MFN1: variants seen among roughly 807,000 people sequenced by gnomAD.
The protein encoded by MFN1 is mitofusin 1.
Under a neutral mutation model 92.4 loss-of-function variants are expected in MFN1, and 65 were observed. The observed-to-expected ratio is 0.70, with a 90% confidence interval of 0.58 to 0.86. The LOEUF (loss-of-function observed/expected upper bound fraction) is 0.86, where lower values mean the gene tolerates loss of function less well. Among genes scored for constraint, MFN1 ranks in the 40% least tolerant of loss-of-function variants. MFN1 has a pLI of 0.00. For missense variants in MFN1, 781 were observed against 868.0 expected, an observed-to-expected ratio of 0.90 and a Z score of 1.26; for synonymous variants, 297 against 300.9, an observed-to-expected ratio of 0.99 and a Z score of 0.13.
chr3:179,351,453 G>C (rs966791226), intron 2 of MFN1, among the ~76,000 whole-genome samples: 2 of 152,204 alleles, frequency 1.3e-5, no homozygotes, highest in African/African-American at 4.8e-5. Context: ...AAGTAGCAAG[G>C]TCTTTCCTAG....
At position 179,367,465 on chromosome 3, in the gene MFN1, C is replaced by T; in HGVS notation, c.780C>T (p.Cys260=). Residue 260 remains cysteine, a synonymous_variant, in exon 8 of 18, where the codon TGC becomes TGT. Transcript: ENST00000471841. Reference sequence around the variant, plus strand: ...TACGCAGACAGCACATGGAAAGATGCCTGCATTTCTTGGTGGAGGAGCTCA... The same window carrying T: ...TACGCAGACAGCACATGGAAAGATGTCTGCATTTCTTGGTGGAGGAGCTCA... The part of the protein sequence containing the change: ...EDVRRQHMER[C]LHFLVEELKV... 6.2e-7 allele frequency: 1 copy of T among 1,612,240 alleles called. No homozygotes were observed. Among genetic ancestry groups the T allele is most frequent in the South Asian group, 1.1e-5 (1 of 90,976 alleles).
rs1298918453 is a variant in MFN1, at chr3:179,394,675, A to AAAG, written c.*2617_*2619dup. 3 of 151,894 alleles carry AAAG rather than the reference A, an allele frequency of 2.0e-5. No individual in the cohort carries two copies. The highest frequency in any genetic ancestry group is 4.4e-5 in the Non-Finnish European group (3 of 67,946). 9.4% of individuals were successfully genotyped at this position (151,894 alleles called of 1,614,324 possible). A position where few individuals can be genotyped will look rare whatever the true frequency, so the allele number is the denominator to read the frequency against. ...CGTGATCCACCCGCCTCGGCCTCCC[A>AAAG]AAGTGCTGGGATTACAGGCGTGAGC... On this transcript the variant is annotated 3_prime_UTR_variant, in exon 18 of 18. Transcript: ENST00000471841.
At chr3:179,370,404 T>G (rs1357786587) in intron 9 of MFN1, among the ~76,000 whole-genome samples, 11 of 141,442 alleles carry the variant, frequency 7.8e-5, no homozygotes, top group African/African-American at 2.9e-4. Context: ...TTTTTTTTTT[T>G]TTTTTTTTTT....
At chr3:179,384,806 A>C (rs1330363512) in intron 14 of MFN1, among the ~76,000 whole-genome samples, 1 of 151,832 alleles carries the variant, frequency 6.6e-6, no homozygotes, top group Non-Finnish European at 1.5e-5. Context: ...GAGTGCTGGG[A>C]CTACAGGCAT....
chr3:179,351,951 T>C lies in MFN1; in HGVS notation c.164T>C (p.Val55Ala). Reference protein sequence around the residue: ...LDRIATEDDLVEMQGYKDKLS... With the variant: ...LDRIATEDDLAEMQGYKDKLS... ...CGAATAGCCACTGAAGATGATCTGGTAGAAATGCAAGGATATAAAGACAAG... is the reference window on the plus strand; with the variant it reads ...CGAATAGCCACTGAAGATGATCTGGCAGAAATGCAAGGATATAAAGACAAG... The change falls in exon 3 of 18, where the codon GTA becomes GCA. Residue 55 changes from valine (V) to alanine (A), a missense_variant. By Grantham distance (64) the Val-to-Ala change is moderately conservative. Coordinates refer to ENST00000471841, the MANE Select transcript of MFN1 (RefSeq NM_033540.3). The C allele has an allele frequency of 6.2e-7, 1 of 1,611,016 alleles. No homozygotes were observed. Among genetic ancestry groups the C allele is most frequent in the Non-Finnish European group, 8.5e-7 (1 of 1,177,638 alleles).
intron 3 of MFN1, among the ~76,000 whole-genome samples, chr3:179,354,813 A>G (rs1712285622): frequency 6.6e-6 from 1 of 151,936 alleles, no homozygotes; most frequent in South Asian, 2.1e-4. Flanking sequence ...TTTTTTTGGG[A>G]GACAGAATTT....
At chr3:179,368,425 C>T (rs147261437) in intron 9 of MFN1, among the ~76,000 whole-genome samples, 261 of 152,266 alleles carry the variant, frequency 1.7e-3, no homozygotes, top group Non-Finnish European at 3.0e-3. Context: ...CAAGAGTAAA[C>T]AAGCGTAATT....
At chr3:179,385,858 A>T (rs985725978) in intron 15 of MFN1, 137 bp downstream of exon 15, 4 of 808,752 alleles carry the variant, frequency 4.9e-6, no homozygotes, top group Non-Finnish European at 7.5e-6. Flanking sequence ...GCAGGTTAAA[A>T]GTAGTGAATT....
chr3:179,355,048 C>T (rs988418970), intron 3 of MFN1, among the ~76,000 whole-genome samples: 3 of 152,162 alleles, frequency 2.0e-5, no homozygotes, highest in Non-Finnish European at 2.9e-5. Flanking sequence ...CCACCCACCT[C>T]GGCCTCCCAA....
intron 16 of MFN1, among the ~76,000 whole-genome samples, chr3:179,389,303 C>G (rs1178234880): frequency 6.6e-6 from 1 of 152,126 alleles, no homozygotes; most frequent in Non-Finnish European, 1.5e-5. Flanking sequence ...GTAGCTTTCC[C>G]TGCATTGATT....
chr3:179,364,023 T>G (rs1402959531), intron 5 of MFN1, among the ~76,000 whole-genome samples: 1 of 152,218 alleles, frequency 6.6e-6, no homozygotes, highest in Non-Finnish European at 1.5e-5. Context: ...TGAGCCATAC[T>G]GGATATAGCT....
intron 16 of MFN1, among the ~76,000 whole-genome samples, 196 bp downstream of exon 16, chr3:179,386,825 CTTT>C (rs1713704936): frequency 6.6e-6 from 1 of 152,188 alleles, no homozygotes; most frequent in African/African-American, 2.4e-5. Context: ...CACTATTCTT[CTTT>C]CCATTCTCCT....
chr3:179,382,737 T>C (rs1183727279), intron 14 of MFN1, among the ~76,000 whole-genome samples: 1 of 152,232 alleles, frequency 6.6e-6, no homozygotes, highest in African/African-American at 2.4e-5. Flanking sequence ...GCACCTGTTG[T>C]TTCCTGACTT....
intron 2 of MFN1, among the ~76,000 whole-genome samples, 171 bp from the exon 3 acceptor site, chr3:179,351,729 C>T (rs964547853): frequency 4.6e-5 from 7 of 152,158 alleles, no homozygotes; most frequent in African/African-American, 9.7e-5. Context: ...TTCTTTTGGG[C>T]GGGATTCTTG....
chr3:179,359,069 C>A, intron 4 of MFN1, 67 bp downstream of exon 4: 1 of 1,424,498 alleles, frequency 7.0e-7, no homozygotes, highest in Non-Finnish European at 9.3e-7. Flanking sequence ...TCTTTAATAA[C>A]ATTTTTATAA....
At chr3:179,378,319 G>A (rs959730724) in intron 12 of MFN1, 22 bp from the exon 13 acceptor site, 2 of 1,491,934 alleles carry the variant, frequency 1.3e-6, no homozygotes, top group Non-Finnish European at 1.8e-6. Context: ...AAAATAATAT[G>A]GATATTTACC....
At chr3:179,372,463 A>AGTGT (rs568979719) in intron 9 of MFN1, among the ~76,000 whole-genome samples, 176 of 152,240 alleles carry the variant, frequency 1.2e-3, no homozygotes, top group African/African-American at 4.2e-3. Context: ...TTAGCATATT[A>AGTGT]GTGTAGTAAG....
At position 179,390,033 on chromosome 3, in the gene MFN1, G is replaced by A; in HGVS notation, c.2042G>A (p.Cys681Tyr). 1 of 1,603,048 alleles carries A rather than the reference G, an allele frequency of 6.2e-7. No homozygotes were observed. The highest frequency in any genetic ancestry group is 8.5e-7 in the Non-Finnish European group (1 of 1,176,860). ...ATAGCTACCACTTTTGCTCGCCTGT[G>A]CCAACAAGTTGATATTACTCAAAAA... ...QQIATTFARLCQQVDITQKQL... is the reference protein window; with the variant it reads ...QQIATTFARLYQQVDITQKQL... The change falls in exon 17 of 18, where the codon TGC (cysteine) becomes TAC (tyrosine). Residue 681 changes from cysteine (C) to tyrosine (Y), a missense_variant. Physicochemically the swap from Cys to Tyr is radical, Grantham distance 194. Coordinates refer to ENST00000471841, the MANE Select transcript of MFN1 (RefSeq NM_033540.3).
At chr3:179,361,266 A>C (rs747652877) in intron 4 of MFN1, among the ~76,000 whole-genome samples, 1 of 151,958 alleles carries the variant, frequency 6.6e-6, no homozygotes, top group African/African-American at 2.4e-5. Context: ...ATCATCTCTC[A>C]TTTTCCTGAT....
Sources: allele counts gnomAD v4.1 joint callset (sites outside exome capture counted in the v4.1 genomes callset), GRCh38; gene constraint gnomAD v4.1.1; transcripts MANE v1.5; gene names NCBI Gene and HGNC (gene_info 2026-07-23, HGNC 2026-07-21).